ALG5: variants seen among roughly 807,000 people sequenced by gnomAD.
ALG5 encodes the protein dolichyl-phosphate beta-glucosyltransferase.
ALG5 carries 26 observed loss-of-function variants against 51.8 expected under a neutral mutation model. That is an observed-to-expected ratio of 0.50 (90% CI 0.37 to 0.70). The LOEUF is 0.70. Among genes scored for constraint, ALG5 ranks in the 30% least tolerant of loss-of-function variants. ALG5 has a pLI of 0.00. For missense variants in ALG5, 311 were observed against 399.3 expected (o/e 0.78, Z 1.88); for synonymous variants, 141 against 136.1 (o/e 1.04, Z -0.25).
At position 36,988,115 on chromosome 13, in the gene ALG5, G is replaced by A. The variant is rs143493833; in HGVS notation, c.447+1369C>T. ...CCTAATCCTCCTTAAAGACCCCGCC[G>A]AGAATTTGCCTCCTCTGGGACATCT... On this transcript the variant is annotated intron_variant, in intron 5 of 9. Coordinates refer to ENST00000239891, the MANE Select transcript of ALG5 (RefSeq NM_013338.5). Among the ~76,000 whole-genome samples, 468 of 152,196 alleles carry A rather than the reference G, an allele frequency of 3.1e-3. 1 individual carries two copies. The highest frequency in any genetic ancestry group is 0.01 in the African/African-American group (433 of 41,524).
intron 6 of ALG5, among the ~76,000 whole-genome samples, chr13:36,975,544 A>G (rs1413427440): frequency 6.6e-6 from 1 of 152,162 alleles, no homozygotes. Flanking sequence ...ACAATATTTT[A>G]ATGTACAGAT....
intron 1 of ALG5, among the ~76,000 whole-genome samples, chr13:36,998,443 A>C (rs1037634518): frequency 2.6e-5 from 4 of 152,210 alleles, no homozygotes; most frequent in Non-Finnish European, 5.9e-5. Context: ...CTGAATGTCA[A>C]GGAAGCTGAA....
chr13:36,981,561 A>G (rs2058979330), intron 6 of ALG5, among the ~76,000 whole-genome samples: 1 of 152,216 alleles, frequency 6.6e-6, no homozygotes, highest in Non-Finnish European at 1.5e-5. Context: ...GAAATCTAAC[A>G]AGTTGAAGTT....
chr13:36,998,658 T>C (rs2059063937), intron 1 of ALG5, among the ~76,000 whole-genome samples: 1 of 152,336 alleles, frequency 6.6e-6, no homozygotes, highest in Non-Finnish European at 1.5e-5. Context: ...TGGGACACAA[T>C]GCGACCCCGG....
chr13:36,976,425 CAAAAAAAAAAAAA>C (rs57192095), intron 6 of ALG5, among the ~76,000 whole-genome samples: 3 of 36,614 alleles, frequency 8.2e-5, no homozygotes, highest in African/African-American at 2.1e-4. Context: ...GACTCTGTCT[CAAAAAAAAAAAAA>C]AAAAAAAAAA....
At chr13:36,976,947 G>T (rs186670337) in intron 6 of ALG5, among the ~76,000 whole-genome samples, 3 of 152,116 alleles carry the variant, frequency 2.0e-5, no homozygotes, top group African/African-American at 7.2e-5. Context: ...ACACTATTGA[G>T]TAATACATAA....
Position 36,960,602 on chromosome 13 carries a change from C to G in ALG5, c.773+4973G>C, listed in dbSNP as rs150206643. 4.1e-3 allele frequency among the ~76,000 whole-genome samples: 620 copies of G among 152,142 alleles called. 14 individuals carry two copies. Among genetic ancestry groups the G allele is most frequent in the Admixed American group, 0.037 (562 of 15,272 alleles). ...ATCAAGTGCTCACTGCAGCCTTGAC[C>G]TCAGGGCTCAAGCTATCCTCCTGCC... On this transcript the variant is annotated intron_variant, in intron 8 of 9. Transcript: ENST00000239891.
intron 1 of ALG5, chr13:36,998,871 G>A: frequency 4.8e-6 from 1 of 208,638 alleles, no homozygotes; most frequent in Non-Finnish European, 9.5e-6. Context: ...GAGCAGAACT[G>A]CAGCGGCTGC....
At chr13:36,992,407 A>G (rs1227794655) in intron 4 of ALG5, among the ~76,000 whole-genome samples, 1 of 152,210 alleles carries the variant, frequency 6.6e-6, no homozygotes. Context: ...AAGAAGATAA[A>G]GTCATTATAT....
intron 7 of ALG5, among the ~76,000 whole-genome samples, chr13:36,969,585 G>A (rs148016986): frequency 0.076 from 11,590 of 152,028 alleles, 583 homozygotes; most frequent in Non-Finnish European, 0.12. Context: ...CCAGGCTGGA[G>A]TGCAGTGGCC....
At chr13:36,995,736 G>A in intron 1 of ALG5, 140 bp from the exon 2 acceptor site, 1 of 773,290 alleles carries the variant, frequency 1.3e-6, no homozygotes, top group African/African-American at 1.8e-5. Flanking sequence ...CAATGGTCTA[G>A]AGGTGACTCC....
chr13:36,973,395 G>A (rs754155443), intron 6 of ALG5, among the ~76,000 whole-genome samples: 3 of 152,106 alleles, frequency 2.0e-5, no homozygotes, highest in Non-Finnish European at 4.4e-5. Flanking sequence ...GGAAAAAGAC[G>A]AACTGACAAA....
At chr13:36,976,098 C>T (rs571954005) in intron 6 of ALG5, among the ~76,000 whole-genome samples, 6 of 151,510 alleles carry the variant, frequency 4.0e-5, no homozygotes, top group South Asian at 4.2e-4. Context: ...AAAAATAAAA[C>T]GTTTGGGGGA....
chr13:36,976,425 CAAAA>C (rs57192095), intron 6 of ALG5, among the ~76,000 whole-genome samples: 9 of 36,600 alleles, frequency 2.5e-4, no homozygotes, highest in South Asian at 1.3e-3. Context: ...GACTCTGTCT[CAAAA>C]AAAAAAAAAA....
intron 1 of ALG5, among the ~76,000 whole-genome samples, chr13:36,998,464 C>T (rs1023168221): frequency 6.6e-6 from 1 of 152,186 alleles, no homozygotes; most frequent in Non-Finnish European, 1.5e-5. Flanking sequence ...ATCCTCTCCA[C>T]TTACTAACTA....
At chr13:36,983,426 C>T (rs147252006) in intron 6 of ALG5, among the ~76,000 whole-genome samples, 4 of 152,008 alleles carry the variant, frequency 2.6e-5, no homozygotes, top group African/African-American at 9.6e-5. Context: ...TGTTATAAGC[C>T]AGAGAACTTT....
In ALG5 at chr13:36,967,204, C is replaced by G. The variant is rs1593665424; in HGVS notation, c.622-1478G>C. On this transcript the variant is annotated intron_variant, in intron 7 of 9. Transcript: ENST00000239891. Reference sequence around the variant, plus strand: ...CGCCACTGTACCCCAGCCTGGGTGACAGAGTGAGACTCCAACTCAAAAAAA... The same window carrying G: ...CGCCACTGTACCCCAGCCTGGGTGAGAGAGTGAGACTCCAACTCAAAAAAA... 3.7e-5 allele frequency among the ~76,000 whole-genome samples: 5 copies of G among 136,172 alleles called. No homozygotes were observed. In the South Asian group the frequency reaches 1.2e-3, roughly 31 times the overall value. 89.3% of individuals were successfully genotyped at this position (136,172 alleles called of 152,430 possible).
intron 4 of ALG5, among the ~76,000 whole-genome samples, chr13:36,992,238 A>G (rs2059028715): frequency 6.6e-6 from 1 of 152,068 alleles, no homozygotes. Context: ...ATAGATGTGA[A>G]CTCCTTCAAG....
rs1332498255 is a variant in ALG5, at chr13:36,976,783, C to T, written c.562-4747G>A. On this transcript the variant is annotated intron_variant, in intron 6 of 9. Coordinates refer to ENST00000239891, the MANE Select transcript of ALG5 (RefSeq NM_013338.5). The stretch of plus-strand genomic sequence containing the variant: ...AAAATTGTGTTATATACTTTGCCTA[C>T]TATTTAGTAGTAAAATAATTTATTC... 4.6e-5 allele frequency among the ~76,000 whole-genome samples: 7 copies of T among 152,074 alleles called. No homozygotes were observed. The East Asian group carries it at 1.4e-3, about 29-fold the overall frequency.
Sources: allele counts gnomAD v4.1 joint callset (sites outside exome capture counted in the v4.1 genomes callset), GRCh38; gene constraint gnomAD v4.1.1; transcripts MANE v1.5; gene names NCBI Gene and HGNC (gene_info 2026-07-23, HGNC 2026-07-21).